OLFML1: variants seen among roughly 807,000 people sequenced by gnomAD.
The protein encoded by OLFML1 is olfactomedin like 1.
A neutral mutation model predicts 37.3 loss-of-function variants in OLFML1; 33 were observed. That is an observed-to-expected ratio of 0.88 (90% CI 0.67 to 1.18). The LOEUF (loss-of-function observed/expected upper bound fraction) is 1.18, where lower values mean the gene tolerates loss of function less well. OLFML1 is among the 50% of genes most tolerant of loss of function. The probability of loss-of-function intolerance (pLI) is 0.00; values close to 1 mark genes in which losing one functional copy is unlikely to be tolerated. For missense variants in OLFML1, 545 were observed against 483.7 expected (o/e 1.13, Z -1.19); for synonymous variants, 186 against 181.3 (o/e 1.03, Z -0.21).
At chr11:7,492,712 C>G (rs1312240234) in intron 2 of OLFML1, among the ~76,000 whole-genome samples, 1 of 152,170 alleles carries the variant, frequency 6.6e-6, no homozygotes, top group African/African-American at 2.4e-5. Context: ...ATCTTAGAAT[C>G]TTAACTCTGT....
In OLFML1 at chr11:7,510,219, G is replaced by A; in HGVS notation, c.*31G>A. 6.4e-7 allele frequency: 1 copy of A among 1,553,990 alleles called. No individual in the cohort carries two copies. Among genetic ancestry groups the A allele is most frequent in the Non-Finnish European group, 8.7e-7 (1 of 1,151,266 alleles). ...TACAGCTGTGAGAAAGAGCACTGTGGCTTTGGCAGCTGTTCTACAGGACAG... is the reference window on the plus strand; with the variant it reads ...TACAGCTGTGAGAAAGAGCACTGTGACTTTGGCAGCTGTTCTACAGGACAG... On this transcript the variant is annotated 3_prime_UTR_variant, in exon 3 of 3. Transcript: ENST00000329293.
At chr11:7,500,914 T>C (rs900126321) in intron 2 of OLFML1, among the ~76,000 whole-genome samples, 12 of 152,000 alleles carry the variant, frequency 7.9e-5, no homozygotes, top group Non-Finnish European at 1.6e-4. Flanking sequence ...AAAAAAGAAT[T>C]ATATGAGTTA....
intron 2 of OLFML1, among the ~76,000 whole-genome samples, chr11:7,508,369 T>G (rs1169262787): frequency 6.6e-6 from 1 of 152,228 alleles, no homozygotes; most frequent in East Asian, 1.9e-4. Flanking sequence ...ACTCTACACT[T>G]CTTTACCTAA....
At chr11:7,501,453 G>A (rs1848725144) in intron 2 of OLFML1, among the ~76,000 whole-genome samples, 2 of 152,238 alleles carry the variant, frequency 1.3e-5, no homozygotes, top group Non-Finnish European at 1.5e-5. Flanking sequence ...GATGAAGCAT[G>A]TCAGCAGGGG....
chr11:7,495,908 T>C (rs1218375583), intron 2 of OLFML1, among the ~76,000 whole-genome samples: 1 of 152,172 alleles, frequency 6.6e-6, no homozygotes, highest in Non-Finnish European at 1.5e-5. Flanking sequence ...ACCCCAGACA[T>C]GCTAGATTCA....
Position 7,509,402 on chromosome 11 carries a change from T to C in OLFML1, c.423T>C (p.Cys141=). Residue 141 remains cysteine, a synonymous_variant, in exon 3 of 3, where the codon TGT becomes TGC. Transcript: ENST00000329293. ...KKIRTLLNAS[C]DNMLMGIKSL... ...CTTTTTCTCCTGTTTGGCCAGGCTG[T>C]GACAACATGCTGATGGGCATAAAGT... 6.2e-7 allele frequency: 1 copy of C among 1,601,114 alleles called. No individual in the cohort carries two copies. The highest frequency in any genetic ancestry group is 8.5e-7 in the Non-Finnish European group (1 of 1,172,566).
Position 7,510,246 on chromosome 11 carries a change from G to A in OLFML1, c.*58G>A, listed in dbSNP as rs1848844863. Reference sequence around the variant, plus strand: ...TTTGGCAGCTGTTCTACAGGACAGTGAGGCTATAGCCCCTTCACAATATAG... The same window carrying A: ...TTTGGCAGCTGTTCTACAGGACAGTAAGGCTATAGCCCCTTCACAATATAG... On this transcript the variant is annotated 3_prime_UTR_variant, in exon 3 of 3. Coordinates refer to ENST00000329293, the MANE Select transcript of OLFML1 (RefSeq NM_198474.4). 7.3e-7 allele frequency: 1 copy of A among 1,377,306 alleles called. No individual in the cohort carries two copies. The highest frequency in any genetic ancestry group is 1.3e-5 in the South Asian group (1 of 75,498). 85.3% of individuals were successfully genotyped at this position (1,377,306 alleles called of 1,614,324 possible). A position where few individuals can be genotyped will look rare whatever the true frequency, so the allele number is the denominator to read the frequency against.
chr11:7,502,792 G>A (rs564589823), intron 2 of OLFML1, among the ~76,000 whole-genome samples: 1 of 152,220 alleles, frequency 6.6e-6, no homozygotes, highest in Non-Finnish European at 1.5e-5. Flanking sequence ...TTTAAGTAGA[G>A]ATGGGGTTTC....
Position 7,488,597 on chromosome 11 carries a change from C to T in OLFML1, c.418+182C>T, listed in dbSNP as rs187390978. ...AGGTGTCCAAAGAGAAATCCATTCT[C>T]GCAAAGCCATTCTTTCTTTCACACA... On this transcript the variant is annotated intron_variant, in intron 2 of 2. Transcript: ENST00000329293. 1.4e-3 allele frequency: 713 copies of T among 508,176 alleles called. 2 individuals carry two copies. Among genetic ancestry groups the T allele is most frequent in the Middle Eastern group, 9.2e-3 (28 of 3,032 alleles). The allele number at this position is 508,176 out of a possible 1,614,324, so 31.5% of individuals were successfully genotyped here.
At chr11:7,508,336 A>C (rs765365621) in intron 2 of OLFML1, among the ~76,000 whole-genome samples, 37 of 152,174 alleles carry the variant, frequency 2.4e-4, no homozygotes, top group Non-Finnish European at 5.4e-4. Context: ...AGCAATATCA[A>C]ACATTAGCTT....
intron 2 of OLFML1, among the ~76,000 whole-genome samples, chr11:7,502,966 TAGAA>T (rs1490155018): frequency 1.3e-4 from 20 of 152,176 alleles, no homozygotes. Context: ...TGTTGGAGAA[TAGAA>T]AGAAAGAAGG....
At chr11:7,501,237 C>T (rs1848722344) in intron 2 of OLFML1, among the ~76,000 whole-genome samples, 1 of 152,216 alleles carries the variant, frequency 6.6e-6, no homozygotes, top group Admixed American at 6.5e-5. Flanking sequence ...GCAAACAGGG[C>T]AGATCATTCC....
At chr11:7,493,415 G>A (rs376913618) in intron 2 of OLFML1, among the ~76,000 whole-genome samples, 1 of 152,180 alleles carries the variant, frequency 6.6e-6, no homozygotes, top group Non-Finnish European at 1.5e-5. Flanking sequence ...GTCATGAGTG[G>A]AACAAAATAT....
Position 7,509,727 on chromosome 11 carries a change from A to C in OLFML1, c.748A>C (p.Met250Leu). 1 of 1,614,204 alleles carries C rather than the reference A, an allele frequency of 6.2e-7. No homozygotes were observed. Among genetic ancestry groups the C allele is most frequent in the Non-Finnish European group, 8.5e-7 (1 of 1,180,026 alleles). Reference protein sequence around the residue: ...NLQKRTVEDRMLLPGGVGRAL... With the variant: ...NLQKRTVEDRLLLPGGVGRAL... ...GCAGAAGAGGACTGTGGAAGATCGA[A>C]TGCTGCTCCCAGGAGGGGTAGGCCG... The change falls in exon 3 of 3, where the codon ATG (methionine) becomes CTG (leucine). Residue 250 changes from methionine (M) to leucine (L), a missense_variant. Transcript: ENST00000329293.
At position 7,488,324 on chromosome 11, in the gene OLFML1, C is replaced by T. The variant is rs200228294; in HGVS notation, c.327C>T (p.Asp109=). The T allele has an allele frequency of 7.0e-5, 113 of 1,613,972 alleles. No homozygotes were observed. In the East Asian group the frequency reaches 1.2e-3, roughly 17 times the overall value. ...IDYIQYLREA[D]ECIESEDKTL... Reference sequence around the variant, plus strand: ...ACATACAATACCTTCGAGAGGCTGACGAGTGCATCGAATCAGAGGACAAGA... The same window carrying T: ...ACATACAATACCTTCGAGAGGCTGATGAGTGCATCGAATCAGAGGACAAGA... The change falls in exon 2 of 3, where the codon GAC becomes GAT. Residue 109 remains aspartate, a synonymous_variant. Coordinates refer to ENST00000329293, the MANE Select transcript of OLFML1 (RefSeq NM_198474.4).
chr11:7,491,921 T>A (rs1050090453), intron 2 of OLFML1, among the ~76,000 whole-genome samples: 12 of 152,228 alleles, frequency 7.9e-5, no homozygotes, highest in African/African-American at 2.7e-4. Flanking sequence ...GGCTTTTATG[T>A]GATTCAGCCA....
intron 2 of OLFML1, among the ~76,000 whole-genome samples, chr11:7,505,188 C>T (rs1260878813): frequency 1.3e-5 from 2 of 151,614 alleles, no homozygotes; most frequent in Non-Finnish European, 2.9e-5. Flanking sequence ...TCTGCCTTGG[C>T]CTTCCACAGT....
rs1351867512 is a variant in OLFML1 at position 7,510,159 on chromosome 11, C to T, written c.1180C>T (p.Gln394Ter). 1 of 1,610,206 alleles carries T rather than the reference C, an allele frequency of 6.2e-7. No individual in the cohort carries two copies. ...AGGAAACCAGATCATTTACAAACTC[C>T]AGACAAAGAGAAAGCTGCCTCTGAA... ...NEGNQIIYKL[Q>*]TKRKLPLK The change falls in exon 3 of 3, where the codon CAG (glutamine) becomes TAG (stop). Residue 394 changes from glutamine to a stop codon, truncating the protein, a stop_gained. Transcript: ENST00000329293. LOFTEE classifies it high-confidence loss of function.
intron 2 of OLFML1, among the ~76,000 whole-genome samples, chr11:7,508,175 A>C (rs7948913): frequency 0.6 from 90,533 of 151,694 alleles, 27,312 homozygotes; most frequent in African/African-American, 0.61. Flanking sequence ...CCTCTTCACA[A>C]TGAGTAGGCT....
Sources: gnomAD v4.1 joint callset for allele counts (sites outside exome capture counted in the v4.1 genomes callset) on GRCh38, gnomAD v4.1.1 for gene constraint, MANE v1.5 for transcripts, NCBI Gene and HGNC (gene_info 2026-07-23, HGNC 2026-07-21) for gene names.